Variants in PPP2R3A observed in about 807,000 individuals in gnomAD.
PPP2R3A encodes the protein protein phosphatase 2 regulatory subunit B''alpha, also known as serine/threonine-protein phosphatase 2A regulatory subunit B'' subunit alpha.
PPP2R3A carries 80 observed loss-of-function variants against 106.9 expected under a neutral mutation model. That is an observed-to-expected ratio of 0.75 (90% CI 0.62 to 0.90). PPP2R3A has a LOEUF of 0.90. Among genes scored for constraint, PPP2R3A ranks in the 40% least tolerant of loss-of-function variants. PPP2R3A has a pLI of 0.00. For missense variants in PPP2R3A, 1,386 were observed against 1,350.4 expected, an observed-to-expected ratio of 1.03 and a Z score of -0.41; for synonymous variants, 483 against 468.3, an observed-to-expected ratio of 1.03 and a Z score of -0.41.
chr3:136,011,610 T>C (rs1421617078), intron 2 of PPP2R3A, among the ~76,000 whole-genome samples: 1 of 152,148 alleles, frequency 6.6e-6, no homozygotes, highest in African/African-American at 2.4e-5. Context: ...CTTCAGAAAT[T>C]GGATAAAATT....
At chr3:135,990,956 G>A (rs1487155321) in intron 1 of PPP2R3A, among the ~76,000 whole-genome samples, 1 of 152,026 alleles carries the variant, frequency 6.6e-6, no homozygotes, top group Non-Finnish European at 1.5e-5. Context: ...TTTGGCTCCT[G>A]GAAGCCTGTC....
At chr3:136,111,895 C>A (rs1937597443) in intron 13 of PPP2R3A, among the ~76,000 whole-genome samples, 2 of 152,098 alleles carry the variant, frequency 1.3e-5, no homozygotes, top group Non-Finnish European at 2.9e-5. Context: ...AAACCCACAA[C>A]AAAATAGTAG....
At chr3:136,082,623 T>A (rs1054804697) in intron 8 of PPP2R3A, among the ~76,000 whole-genome samples, 3 of 152,106 alleles carry the variant, frequency 2.0e-5, no homozygotes, top group African/African-American at 7.2e-5. Flanking sequence ...GGAGAAGGAG[T>A]TTGGAAGTAA....
At chr3:136,116,697 G>A (rs575606451) in intron 13 of PPP2R3A, among the ~76,000 whole-genome samples, 8 of 152,234 alleles carry the variant, frequency 5.3e-5, no homozygotes, top group South Asian at 2.1e-4. Flanking sequence ...GCTGACTGTC[G>A]TAAATATATA....
intron 2 of PPP2R3A, chr3:136,022,953 C>A: frequency 3.9e-6 from 6 of 1,526,788 alleles, no homozygotes; most frequent in Non-Finnish European, 4.4e-6. Flanking sequence ...AATTTCATTT[C>A]TTTGGGAGAT....
At chr3:136,055,889 A>G (rs1306485393) in intron 5 of PPP2R3A, 17 of 408,214 alleles carry the variant, frequency 4.2e-5, no homozygotes, top group Non-Finnish European at 3.5e-5. Context: ...GTAAATCACC[A>G]TTCCTTAAGA....
intron 2 of PPP2R3A, among the ~76,000 whole-genome samples, chr3:136,025,795 C>CT (rs1934630200): frequency 6.6e-6 from 1 of 152,170 alleles, no homozygotes; most frequent in African/African-American, 2.4e-5. Flanking sequence ...ATCTTTCATA[C>CT]TTTATGTAGC....
At chr3:136,059,777 C>A (rs758679513) in intron 5 of PPP2R3A, among the ~76,000 whole-genome samples, 1 of 152,132 alleles carries the variant, frequency 6.6e-6, no homozygotes, top group Admixed American at 6.6e-5. Flanking sequence ...GATATATATA[C>A]CCTATGGAAT....
intron 5 of PPP2R3A, among the ~76,000 whole-genome samples, chr3:136,068,595 A>G (rs952019593): frequency 1.3e-5 from 2 of 152,342 alleles, no homozygotes; most frequent in African/African-American, 4.8e-5. Flanking sequence ...AGAAATGTAG[A>G]CAGAATAGAA....
chr3:135,966,197 G>T (rs1937078570), intron 1 of PPP2R3A, among the ~76,000 whole-genome samples: 1 of 152,184 alleles, frequency 6.6e-6, no homozygotes, highest in Admixed American at 6.5e-5. Flanking sequence ...GGGCCAGTTC[G>T]CCCGCACAGC....
At chr3:136,120,503 A>T (rs1937954762) in intron 13 of PPP2R3A, among the ~76,000 whole-genome samples, 1 of 151,914 alleles carries the variant, frequency 6.6e-6, no homozygotes, top group Non-Finnish European at 1.5e-5. Context: ...CAGGAGAATC[A>T]CTTGAGCTTG....
chr3:136,126,358 T>A (rs995971274), intron 13 of PPP2R3A, among the ~76,000 whole-genome samples: 3 of 152,218 alleles, frequency 2.0e-5, no homozygotes, highest in African/African-American at 7.2e-5. Flanking sequence ...CCATGGAGCC[T>A]TGCTCACTGC....
At position 135,992,839 on chromosome 3, in the gene PPP2R3A, C is replaced by T. The variant is rs143205356; in HGVS notation, c.-440-8220C>T. On this transcript the variant is annotated intron_variant, in intron 1 of 13. Transcript: ENST00000264977. ...ATTTGAGCATATATAAGATGAGAAA[C>T]GGGGCAAAGCACAAAACTCTGAGGA... Among the ~76,000 whole-genome samples, 89 of 152,156 alleles carry T rather than the reference C, an allele frequency of 5.8e-4. 2 individuals are homozygous for T. The highest frequency in any genetic ancestry group is 4.7e-4 in the Non-Finnish European group (32 of 68,006).
rs1173703368 is a variant in PPP2R3A, at chr3:136,041,252, TTTTTTTTTTG to T, written c.2366+300_2366+309del. Among the ~76,000 whole-genome samples, 418 of 113,764 alleles carry T rather than the reference TTTTTTTTTTG, an allele frequency of 3.7e-3. 44 individuals carry two copies. Among genetic ancestry groups the T allele is most frequent in the African/African-American group, 0.012 (341 of 29,438 alleles). The allele number at this position is 113,764 out of a possible 152,430, so 74.6% of individuals were successfully genotyped here. A position where few individuals can be genotyped will look rare whatever the true frequency, so the allele number is the denominator to read the frequency against. On this transcript the variant is annotated intron_variant, in intron 4 of 13. Transcript: ENST00000264977. ...TGGTTTTTCTTGTTTTTTTTTTTGT[TTTTTTTTTTG>T]TTTTTTTTTTTTTGAGACAGAATGT...
In PPP2R3A at chr3:136,076,063, A is replaced by G. The variant is rs563576206; in HGVS notation, c.2545-2304A>G. Among the ~76,000 whole-genome samples the G allele has an allele frequency of 5.8e-4, 88 of 152,332 alleles. 1 individual carries two copies. Among genetic ancestry groups the G allele is most frequent in the African/African-American group, 2.1e-3 (87 of 41,578 alleles). ...GAGAAATTAGGCACTGCCTAGTCCC[A>G]GCTCCCACCTAATTCAGGAATCCTG... On this transcript the variant is annotated intron_variant, in intron 6 of 13. Coordinates refer to ENST00000264977, the MANE Select transcript of PPP2R3A (RefSeq NM_002718.5).
At chr3:136,018,875 G>A (rs1934368880) in intron 2 of PPP2R3A, among the ~76,000 whole-genome samples, 1 of 152,206 alleles carries the variant, frequency 6.6e-6, no homozygotes, top group African/African-American at 2.4e-5. Flanking sequence ...GAGAAAGACT[G>A]TCTCCCTTGC....
chr3:136,134,932 A>G (rs1474644821), intron 13 of PPP2R3A, among the ~76,000 whole-genome samples: 2 of 152,148 alleles, frequency 1.3e-5, no homozygotes, highest in East Asian at 1.9e-4. Context: ...AAATATTACT[A>G]TTGTTTTATA....
At chr3:136,110,140 A>G (rs1446013876) in intron 13 of PPP2R3A, among the ~76,000 whole-genome samples, 1 of 152,116 alleles carries the variant, frequency 6.6e-6, no homozygotes, top group African/African-American at 2.4e-5. Flanking sequence ...AAACCCCAAC[A>G]ACCCCACCGC....
At chr3:136,077,450 A>G (rs1007440466) in intron 6 of PPP2R3A, among the ~76,000 whole-genome samples, 74 of 152,268 alleles carry the variant, frequency 4.9e-4, no homozygotes, top group African/African-American at 1.8e-3. Flanking sequence ...ACCACCAAAG[A>G]TACAGGATTT....
Sources: allele counts gnomAD v4.1 joint callset (sites outside exome capture counted in the v4.1 genomes callset), GRCh38; gene constraint gnomAD v4.1.1; transcripts MANE v1.5; gene names NCBI Gene and HGNC (gene_info 2026-07-23, HGNC 2026-07-21).